KIF21B: variants seen among roughly 807,000 people sequenced by gnomAD.
KIF21B encodes the protein kinesin family member 21B.
A neutral mutation model predicts 192.9 loss-of-function variants in KIF21B; 85 were observed. The ratio of observed to expected loss-of-function variants is 0.44; its 90% CI spans 0.37 to 0.53. The LOEUF is 0.53. Among genes scored for constraint, KIF21B ranks in the 20% least tolerant of loss-of-function variants. The pLI is 0.00. For missense variants in KIF21B, 1,716 were observed against 2,194.8 expected (o/e 0.78, Z 4.36); for synonymous variants, 832 against 884.6 (o/e 0.94, Z 1.05).
chr1:200,975,347 G>T lies in KIF21B; in HGVS notation c.4614+152C>A, dbSNP rs1012834438. On this transcript the variant is annotated intron_variant, in intron 33 of 34. Transcript: ENST00000461742. The surrounding 1 kb of genome is among the most constrained non-coding windows in gnomAD (Gnocchi z 4.3). ...GGGAAGAAGGGAGGATGGAGACAGA[G>T]GAGGAAGAGGGAGAACAGGAGGGCT... is the stretch of plus-strand genomic sequence containing the variant. 1 of 674,414 alleles carries T rather than the reference G, an allele frequency of 1.5e-6. No homozygotes were observed. The highest frequency in any genetic ancestry group is 2.0e-5 in the South Asian group (1 of 51,256). 41.8% of individuals were successfully genotyped at this position (674,414 alleles called of 1,614,324 possible).
chr1:200,973,812 T>C (rs959061912), intron 34 of KIF21B: 8 of 1,430,520 alleles, frequency 5.6e-6, no homozygotes, highest in East Asian at 2.6e-5. Flanking sequence ...TTTTCTTTTT[T>C]TGGGGGGGTG....
intron 32 of KIF21B, among the ~76,000 whole-genome samples, chr1:200,976,534 C>T (rs1447701951): frequency 6.6e-6 from 1 of 152,178 alleles, no homozygotes; most frequent in Non-Finnish European, 1.5e-5. Flanking sequence ...AGTGGATTTT[C>T]CATAATTTGA....
At position 201,004,348 on chromosome 1, in the gene KIF21B, C is replaced by T. The variant is rs1239585858; in HGVS notation, c.1008G>A (p.Gly336=). 1 of 1,564,220 alleles carries T rather than the reference C, an allele frequency of 6.4e-7. No homozygotes were observed. The highest frequency in any genetic ancestry group is 8.7e-7 in the Non-Finnish European group (1 of 1,153,368). Reference sequence around the variant, plus strand: ...TGTTGGTCACCAGATACCTGTTGCCCCCCAGCGAATCCTGGAGGAGCCGAG... The same window carrying T: ...TGTTGGTCACCAGATACCTGTTGCCTCCCAGCGAATCCTGGAGGAGCCGAG... ...KLTRLLQDSL[G]GNSQTIMIAC... is the part of the protein sequence containing the mutation. The change falls in exon 7 of 35, where the codon GGG becomes GGA. Residue 336 remains glycine, a synonymous_variant. Coordinates refer to ENST00000461742, the MANE Select transcript of KIF21B (RefSeq NM_001252102.2).
In KIF21B at chr1:200,992,293, G is replaced by A. The variant is rs1301601094; in HGVS notation, c.2374C>T (p.Arg792Trp). 22 of 1,611,806 alleles carry A rather than the reference G, an allele frequency of 1.4e-5. No homozygotes were observed. The highest frequency in any genetic ancestry group is 1.8e-5 in the Non-Finnish European group (21 of 1,179,984). Residue 792 changes from arginine to tryptophan, a missense_variant, in exon 16 of 35, where the codon CGG (arginine) becomes TGG (tryptophan). By Grantham distance (101) the Arg-to-Trp change is moderately radical. Around this residue, in one of 3 missense-constraint regions of KIF21B, gnomAD observed 1,087 missense variants for 1,316.6 expected, o/e 0.83. Coordinates refer to ENST00000461742, the MANE Select transcript of KIF21B (RefSeq NM_001252102.2). Reference sequence around the variant, plus strand: ...GGGCCACCCCTCACCTCCTGTCGCCGCTGCTCCTTCTTGAGCTGTGCGATC... The same window carrying A: ...GGGCCACCCCTCACCTCCTGTCGCCACTGCTCCTTCTTGAGCTGTGCGATC... Reference protein sequence around the residue: ...REIAQLKKEQRRQEFQIRALE... With the variant: ...REIAQLKKEQWRQEFQIRALE...
chr1:201,007,243 C>G (rs1657914657), intron 3 of KIF21B, among the ~76,000 whole-genome samples: 1 of 132,912 alleles, frequency 7.5e-6, no homozygotes, highest in Non-Finnish European at 1.6e-5. Flanking sequence ...CACACACACA[C>G]AGAGACAGAC....
At position 200,970,756 on chromosome 1, in the gene KIF21B, C is replaced by T. The variant is rs1655172468; in HGVS notation, c.*2765G>A. The T allele has an allele frequency of 6.6e-6, 1 of 152,424 alleles. No individual in the cohort carries two copies. The highest frequency in any genetic ancestry group is 6.5e-5 in the Admixed American group (1 of 15,290). 9.4% of individuals were successfully genotyped at this position (152,424 alleles called of 1,614,324 possible). ...CTTCAGGCTCACTAGGGCTAGGACT[C>T]AGCCTGAACTCAGGCGTTTAGAGAT... is the stretch of plus-strand genomic sequence containing the variant. On this transcript the variant is annotated 3_prime_UTR_variant, in exon 35 of 35. Transcript: ENST00000461742.
At chr1:200,988,960 AC>A in intron 21 of KIF21B, 29 bp from the exon 22 acceptor site, 8 of 1,586,746 alleles carry the variant, frequency 5.0e-6, no homozygotes, top group Non-Finnish European at 6.9e-6. Flanking sequence ...GCCTGGAGTT[AC>A]CCCTCCTGGG....
intron 3 of KIF21B, 117 bp from the exon 4 acceptor site, chr1:201,005,811 C>G: frequency 1.7e-6 from 2 of 1,154,174 alleles, no homozygotes; most frequent in Non-Finnish European, 2.5e-6. Context: ...TGTGGGTCCC[C>G]TCTGGGTTTT....
chr1:200,974,251 A>C, intron 34 of KIF21B: 1 of 1,496,038 alleles, frequency 6.7e-7, no homozygotes, highest in East Asian at 2.3e-5. Context: ...TGGGAAGGGG[A>C]GGGGAGAGAA....
intron 1 of KIF21B, among the ~76,000 whole-genome samples, chr1:201,022,987 G>A (rs1658938515): frequency 6.6e-6 from 1 of 152,262 alleles, no homozygotes; most frequent in Admixed American, 6.5e-5. Flanking sequence ...ATCCCCGTAT[G>A]AGACAGCAGC....
At chr1:201,020,332 T>C (rs941473064) in intron 1 of KIF21B, among the ~76,000 whole-genome samples, 3 of 152,182 alleles carry the variant, frequency 2.0e-5, no homozygotes, top group African/African-American at 7.2e-5. Flanking sequence ...GTCAGGCCTA[T>C]ATCTCTGCAG....
At chr1:200,992,242 G>T in intron 16 of KIF21B, 40 bp downstream of exon 16, 1 of 1,588,834 alleles carries the variant, frequency 6.3e-7, no homozygotes. Flanking sequence ...GGGAGTGCTA[G>T]GGCCAAAGGC....
chr1:200,980,477 C>T (rs899368140), intron 29 of KIF21B, among the ~76,000 whole-genome samples: 1 of 152,254 alleles, frequency 6.6e-6, no homozygotes. Flanking sequence ...GTCTCAAACT[C>T]CTGGGCTTAA....
At chr1:201,005,021 G>T in intron 5 of KIF21B, 88 bp from the exon 6 acceptor site, 1 of 1,437,334 alleles carries the variant, frequency 7.0e-7, no homozygotes, top group Non-Finnish European at 9.6e-7. Flanking sequence ...GGAGAGGCAC[G>T]GTGGACGGCC....
Position 201,009,348 on chromosome 1 carries a change from T to A in KIF21B, c.182A>T (p.Glu61Val). The A allele has an allele frequency of 6.2e-7, 1 of 1,614,280 alleles. No homozygotes were observed. The highest frequency in any genetic ancestry group is 8.5e-7 in the Non-Finnish European group (1 of 1,180,054). Residue 61 changes from glutamate (E) to valine (V), a missense_variant, in exon 2 of 35, where the codon GAA (glutamate) becomes GTA (valine). Coordinates refer to ENST00000461742, the MANE Select transcript of KIF21B (RefSeq NM_001252102.2). ...GCTCACACAGGTGGAATAGATCTGT[T>A]CTTGCCAGGTGTCCAGGTCGAAGAC... ...DFVFDLDTWQ[E>V]QIYSTCVSKL...
At chr1:200,989,061 G>T (rs1441164454) in intron 21 of KIF21B, 130 bp from the exon 22 acceptor site, 12 of 947,798 alleles carry the variant, frequency 1.3e-5, no homozygotes, top group Non-Finnish European at 1.4e-5. Context: ...CTTGTACCTG[G>T]CACAGACCTG....
rs1415247846 is a variant in KIF21B at position 200,975,987 on chromosome 1, T to G, written c.4444-318A>C. Among the ~76,000 whole-genome samples the G allele has an allele frequency of 1.3e-5, 2 of 152,160 alleles. No homozygotes were observed. Among genetic ancestry groups the G allele is most frequent in the Non-Finnish European group, 2.9e-5 (2 of 68,022 alleles). ...ACCCCACAGCTCAACAGGCAGCTGC[T>G]AAGGAGAAGGGTGGGTTTAGGGTGT... On this transcript the variant is annotated intron_variant, in intron 32 of 34. Transcript: ENST00000461742. The surrounding 1 kb of genome is among the most constrained non-coding windows in gnomAD (Gnocchi z 4.3).
In KIF21B at chr1:200,973,216, C is replaced by A. The variant is rs778099248; in HGVS notation, c.*305G>T. The A allele has an allele frequency of 3.1e-6, 1 of 327,656 alleles. No homozygotes were observed. Among genetic ancestry groups the A allele is most frequent in the East Asian group, 5.0e-5 (1 of 19,896 alleles). The allele number at this position is 327,656 out of a possible 1,614,324, so 20.3% of individuals were successfully genotyped here. ...CCAAAGGCCTGAGAAAGGGGCAGAGCCGGTTCAGCAGGAGACAATGTGGCC... is the reference window on the plus strand; with the variant it reads ...CCAAAGGCCTGAGAAAGGGGCAGAGACGGTTCAGCAGGAGACAATGTGGCC... On this transcript the variant is annotated 3_prime_UTR_variant, in exon 35 of 35. Coordinates refer to ENST00000461742, the MANE Select transcript of KIF21B (RefSeq NM_001252102.2).
At chr1:200,988,709 G>A (rs1656471242) in intron 22 of KIF21B, 57 bp downstream of exon 22, 2 of 1,565,602 alleles carry the variant, frequency 1.3e-6, no homozygotes, top group Non-Finnish European at 1.7e-6. Flanking sequence ...GGGGGTCTGA[G>A]CCCAAGAGCA....
Sources: gnomAD v4.1 joint callset for allele counts (sites outside exome capture counted in the v4.1 genomes callset) on GRCh38, gnomAD v4.1.1 for gene constraint, gnomAD v4.1.1 regional missense constraint, Gnocchi (gnomAD v3.1) non-coding constraint, MANE v1.5 for transcripts, NCBI Gene and HGNC (gene_info 2026-07-23, HGNC 2026-07-21) for gene names.